Variants in LPXN observed in about 807,000 individuals in gnomAD.
LPXN encodes leupaxin.
Under a neutral mutation model 45.6 loss-of-function variants are expected in LPXN, and 28 were observed. That is an observed-to-expected ratio of 0.61 (90% confidence interval 0.45 to 0.84). The LOEUF (loss-of-function observed/expected upper bound fraction) is 0.84, where lower values mean the gene tolerates loss of function less well. Ranked by LOEUF, LPXN falls within the 40% of genes least tolerant of loss-of-function variation. The probability of loss-of-function intolerance (pLI) is 0.00; values close to 1 mark genes in which losing one functional copy is unlikely to be tolerated. For missense variants in LPXN, 459 were observed against 475.0 expected (o/e 0.97, Z 0.31); for synonymous variants, 166 against 169.9 (o/e 0.98, Z 0.18).
intron 1 of LPXN, among the ~76,000 whole-genome samples, chr11:58,572,634 T>A (rs983396871): frequency 6.6e-6 from 1 of 152,046 alleles, no homozygotes; most frequent in Non-Finnish European, 1.5e-5. Context: ...TTCTGTTAAG[T>A]TTTTAGGTGT....
chr11:58,545,875 A>G (rs754349976), intron 7 of LPXN, among the ~76,000 whole-genome samples: 4 of 152,166 alleles, frequency 2.6e-5, no homozygotes, highest in Non-Finnish European at 4.4e-5. Flanking sequence ...AACTAGGTAA[A>G]ATGTTGAATA....
At chr11:58,543,418 C>T (rs1399946989) in intron 7 of LPXN, among the ~76,000 whole-genome samples, 1 of 152,126 alleles carries the variant, frequency 6.6e-6, no homozygotes, top group African/African-American at 2.4e-5. Flanking sequence ...AGAATCCCTC[C>T]TTAGTATTTA....
At position 58,566,430 on chromosome 11, in the gene LPXN, A is replaced by G. The variant is rs181982025; in HGVS notation, c.172-2229T>C. 9.9e-3 allele frequency among the ~76,000 whole-genome samples: 1,509 copies of G among 152,318 alleles called. 23 individuals are homozygous for G. The highest frequency in any genetic ancestry group is 0.035 in the African/African-American group (1,454 of 41,554). ...AAGCACTTTTGCTCAATAATTTCTT[A>G]CAAGATAAAACTTTCAAGTTGTCTA... On this transcript the variant is annotated intron_variant, in intron 2 of 8. Transcript: ENST00000395074.
chr11:58,534,122 G>A (rs1853477973), intron 7 of LPXN, among the ~76,000 whole-genome samples: 1 of 152,182 alleles, frequency 6.6e-6, no homozygotes, highest in African/African-American at 2.4e-5. Context: ...CAATGAGACA[G>A]AAAATTAACA....
chr11:58,575,803 AG>A lies in LPXN; in HGVS notation c.-32del, dbSNP rs750550756. ...TACATCCAAGATGCTCTTGTCTCAC[AG>A]GCCGTGAGGAACAGCTTTGGCATGT... On this transcript the variant is annotated 5_prime_UTR_variant, in exon 1 of 9. It removes the in-frame stop codon of an upstream open reading frame in the 5' UTR. Transcript: ENST00000395074. 1 of 1,614,216 alleles carries A rather than the reference AG, an allele frequency of 6.2e-7. No homozygotes were observed. Among genetic ancestry groups the A allele is most frequent in the Non-Finnish European group, 8.5e-7 (1 of 1,180,030 alleles).
At chr11:58,531,711 C>T (rs1711535150) in intron 7 of LPXN, among the ~76,000 whole-genome samples, 1 of 152,156 alleles carries the variant, frequency 6.6e-6, no homozygotes, top group Non-Finnish European at 1.5e-5. Flanking sequence ...CAGAGAACAC[C>T]ACAAAGATAC....
intron 7 of LPXN, among the ~76,000 whole-genome samples, chr11:58,536,904 A>G (rs190395615): frequency 6.6e-6 from 1 of 152,096 alleles, no homozygotes; most frequent in Admixed American, 6.6e-5. Context: ...AACATATGAA[A>G]AAAAAAAGCT....
intron 7 of LPXN, among the ~76,000 whole-genome samples, chr11:58,532,000 C>G (rs2515352): frequency 0.51 from 78,284 of 152,166 alleles, 20,997 homozygotes; most frequent in East Asian, 0.67. Flanking sequence ...TGGGCCAGCA[C>G]GAGTTTCGGG....
At chr11:58,554,668 G>T in intron 4 of LPXN, 173 bp downstream of exon 4, 2 of 524,296 alleles carry the variant, frequency 3.8e-6, no homozygotes, top group East Asian at 3.1e-5. Flanking sequence ...ACAAAGATGG[G>T]TTAATTCATG....
chr11:58,539,199 A>T (rs949001712), intron 7 of LPXN, among the ~76,000 whole-genome samples: 1 of 152,158 alleles, frequency 6.6e-6, no homozygotes, highest in Non-Finnish European at 1.5e-5. Context: ...AGTGCCAGCT[A>T]CTCAGAAGGC....
chr11:58,529,483 G>A (rs988504512), intron 7 of LPXN, among the ~76,000 whole-genome samples: 11 of 151,778 alleles, frequency 7.2e-5, no homozygotes, highest in East Asian at 1.9e-4. Context: ...GGTGGCGAGC[G>A]CCTGTAGTCC....
At chr11:58,564,369 C>G (rs112960054) in intron 2 of LPXN, among the ~76,000 whole-genome samples, 168 bp from the exon 3 acceptor site, 6,184 of 152,240 alleles carry the variant, frequency 0.041, 177 homozygotes, top group Middle Eastern at 0.11. Flanking sequence ...TACCAGCCAT[C>G]CCACAAAGAA....
chr11:58,564,550 G>A (rs1040659150), intron 2 of LPXN, among the ~76,000 whole-genome samples: 2 of 152,194 alleles, frequency 1.3e-5, no homozygotes, highest in Admixed American at 1.3e-4. Flanking sequence ...CCTAGGAGGA[G>A]ACTATAATGT....
upstream of LPXN, among the ~76,000 whole-genome samples, chr11:58,576,960 T>C (rs1292064353): frequency 6.6e-6 from 1 of 152,090 alleles, no homozygotes; most frequent in Non-Finnish European, 1.5e-5. Flanking sequence ...AAAAGCTTTA[T>C]TTTTATTTTT....
At chr11:58,538,003 A>C (rs544858463) in intron 7 of LPXN, among the ~76,000 whole-genome samples, 5 of 139,876 alleles carry the variant, frequency 3.6e-5, no homozygotes, top group African/African-American at 1.3e-4. Context: ...ATTCCCACCT[A>C]TGAGTGAGAA....
chr11:58,551,266 C>A (rs367800071), intron 4 of LPXN, 34 bp from the exon 5 acceptor site: 22 of 1,551,634 alleles, frequency 1.4e-5, no homozygotes, highest in Non-Finnish European at 1.9e-5. Flanking sequence ...ACAGAATCAG[C>A]CTCATTTTTA....
At chr11:58,539,257 C>G (rs1188557265) in intron 7 of LPXN, among the ~76,000 whole-genome samples, 1 of 152,152 alleles carries the variant, frequency 6.6e-6, no homozygotes, top group African/African-American at 2.4e-5. Flanking sequence ...CTGTAGCAAG[C>G]TATGATAGCA....
At chr11:58,561,737 C>T (rs1450708374) in intron 3 of LPXN, among the ~76,000 whole-genome samples, 1 of 152,158 alleles carries the variant, frequency 6.6e-6, no homozygotes, top group Admixed American at 6.5e-5. Flanking sequence ...CAAATTTGTG[C>T]TTATTCAAAG....
At chr11:58,576,795 G>A (rs539966541), upstream of LPXN, among the ~76,000 whole-genome samples, 3 of 151,962 alleles carry the variant, frequency 2.0e-5, no homozygotes, top group Non-Finnish European at 4.4e-5. Context: ...CTTTTTTTAA[G>A]ACAAGCTCTC....
Sources: allele counts gnomAD v4.1 joint callset (sites outside exome capture counted in the v4.1 genomes callset), GRCh38; gene constraint gnomAD v4.1.1; transcripts MANE v1.5; gene names NCBI Gene and HGNC (gene_info 2026-07-23, HGNC 2026-07-21).